Variants in UBE2E2 observed in about 807,000 individuals in gnomAD.
The protein encoded by UBE2E2 is ubiquitin conjugating enzyme E2 E2.
A neutral mutation model predicts 24.7 loss-of-function variants in UBE2E2; 6 were observed. The observed-to-expected ratio is 0.24, with a 90% CI of 0.13 to 0.48. UBE2E2 has a LOEUF of 0.48. Ranked by LOEUF, UBE2E2 falls within the 20% of genes least tolerant of loss-of-function variation. The probability of loss-of-function intolerance (pLI) is 0.99; values close to 1 mark genes in which losing one functional copy is unlikely to be tolerated. For synonymous variants in UBE2E2, 104 were observed against 83.6 expected (o/e 1.24, Z -1.33); for missense variants, 169 against 245.0 (o/e 0.69, Z 2.07).
chr3:23,354,762 C>G (rs961436528), intron 3 of UBE2E2, among the ~76,000 whole-genome samples: 2 of 152,166 alleles, frequency 1.3e-5, no homozygotes, highest in Non-Finnish European at 1.5e-5. Context: ...GAAACAGGAA[C>G]ACTTTTACAC....
chr3:23,356,431 G>A (rs1026785904), intron 3 of UBE2E2, among the ~76,000 whole-genome samples: 2 of 152,174 alleles, frequency 1.3e-5, no homozygotes, highest in South Asian at 4.1e-4. Context: ...GTGAGGTTAG[G>A]ACTAAGGCTT....
chr3:23,221,774 T>C (rs1296537114), intron 3 of UBE2E2, among the ~76,000 whole-genome samples: 2 of 152,152 alleles, frequency 1.3e-5, no homozygotes, highest in African/African-American at 4.8e-5. Flanking sequence ...GTAGCTGGAA[T>C]TACAGGCGTG....
intron 3 of UBE2E2, among the ~76,000 whole-genome samples, chr3:23,314,489 A>G (rs1453772661): frequency 6.6e-6 from 1 of 152,176 alleles, no homozygotes; most frequent in African/African-American, 2.4e-5. Flanking sequence ...ATGAGTAGTT[A>G]CATCACAATT....
chr3:23,352,267 C>A (rs1329143964), intron 3 of UBE2E2, among the ~76,000 whole-genome samples: 1 of 151,570 alleles, frequency 6.6e-6, no homozygotes, highest in African/African-American at 2.4e-5. Flanking sequence ...ACTAAATGCC[C>A]ACAAGAGAAA....
intron 5 of UBE2E2, among the ~76,000 whole-genome samples, chr3:23,560,639 C>T (rs1489692259): frequency 6.6e-6 from 1 of 152,024 alleles, no homozygotes; most frequent in African/African-American, 2.4e-5. Flanking sequence ...GAGGAATCGC[C>T]ACACTGACTT....
intron 3 of UBE2E2, among the ~76,000 whole-genome samples, chr3:23,413,064 G>A (rs1293473486): frequency 2.1e-5 from 3 of 143,112 alleles, no homozygotes; most frequent in Admixed American, 7.0e-5. Flanking sequence ...GGGGAGGGGG[G>A]AGGAATAGCA....
chr3:23,247,238 A>C (rs1697436358), intron 3 of UBE2E2, among the ~76,000 whole-genome samples: 1 of 152,146 alleles, frequency 6.6e-6, no homozygotes, highest in East Asian at 1.9e-4. Flanking sequence ...TAATACTCAA[A>C]TATTAATGTA....
intron 3 of UBE2E2, among the ~76,000 whole-genome samples, chr3:23,419,735 G>A (rs1697748378): frequency 6.6e-6 from 1 of 152,164 alleles, no homozygotes; most frequent in African/African-American, 2.4e-5. Context: ...CCTTCTGACA[G>A]ATATTAGGCA....
At chr3:23,321,070 A>G (rs915644137) in intron 3 of UBE2E2, among the ~76,000 whole-genome samples, 2 of 152,206 alleles carry the variant, frequency 1.3e-5, no homozygotes, top group Non-Finnish European at 2.9e-5. Context: ...CTTGGCTTGT[A>G]TCTGCATCAC....
chr3:23,544,868 G>T (rs62256026), intron 5 of UBE2E2, among the ~76,000 whole-genome samples: 5,009 of 91,536 alleles, frequency 0.055, no homozygotes, highest in African/African-American at 0.14. Flanking sequence ...TCCGAGAGGG[G>T]GATGTGTCAG....
chr3:23,490,224 A>G (rs1226129112), intron 3 of UBE2E2, among the ~76,000 whole-genome samples: 2 of 152,212 alleles, frequency 1.3e-5, no homozygotes, highest in Non-Finnish European at 1.5e-5. Flanking sequence ...ACCTATTTCT[A>G]ACAACCTATG....
chr3:23,249,704 G>T lies in UBE2E2; in HGVS notation c.227+32392G>T, dbSNP rs538443427. Among the ~76,000 whole-genome samples, 14 of 151,534 alleles carry T rather than the reference G, an allele frequency of 9.2e-5. No homozygotes were observed. In the East Asian group the frequency reaches 2.5e-3, roughly 27 times the overall value. The stretch of plus-strand genomic sequence containing the variant: ...GGAGTCTTGCTCTTTCGCGCAGACT[G>T]GAGTGCAGTGGCATGATCTCGGCTC... On this transcript the variant is annotated intron_variant, in intron 3 of 5. Coordinates refer to ENST00000396703, the MANE Select transcript of UBE2E2 (RefSeq NM_152653.4).
chr3:23,527,061 A>G (rs1695015362), intron 4 of UBE2E2, among the ~76,000 whole-genome samples: 1 of 152,226 alleles, frequency 6.6e-6, no homozygotes, highest in Non-Finnish European at 1.5e-5. Context: ...AAACAAATGA[A>G]AAAGTGTTCA....
At chr3:23,271,982 C>T (rs763401398) in intron 3 of UBE2E2, among the ~76,000 whole-genome samples, 21 of 152,218 alleles carry the variant, frequency 1.4e-4, no homozygotes, top group Non-Finnish European at 2.2e-4. Flanking sequence ...GTGGATCCCG[C>T]GCCAGGGCCG....
intron 3 of UBE2E2, among the ~76,000 whole-genome samples, chr3:23,427,923 A>G (rs974329480): frequency 5.3e-5 from 8 of 152,250 alleles, no homozygotes; most frequent in Non-Finnish European, 1.0e-4. Flanking sequence ...ATGTAGGACA[A>G]AAACTTACAG....
chr3:23,498,903 A>G (rs1699663081), intron 3 of UBE2E2, among the ~76,000 whole-genome samples: 2 of 152,196 alleles, frequency 1.3e-5, no homozygotes. Context: ...ACTCAGAGAC[A>G]TGTGTACTGC....
At chr3:23,203,126 G>T, upstream of UBE2E2, 1 of 983,290 alleles carries the variant, frequency 1.0e-6, no homozygotes, top group South Asian at 4.6e-5. Context: ...GCGCGCGGAC[G>T]GCCGGGCGGC....
chr3:23,443,898 A>T (rs1199784413), intron 3 of UBE2E2, among the ~76,000 whole-genome samples: 2 of 152,100 alleles, frequency 1.3e-5, no homozygotes, highest in African/African-American at 4.8e-5. Flanking sequence ...GTTATGTGCA[A>T]TCAGTAACTG....
intron 5 of UBE2E2, among the ~76,000 whole-genome samples, chr3:23,584,997 A>G (rs1696585372): frequency 6.6e-6 from 1 of 152,062 alleles, no homozygotes; most frequent in Non-Finnish European, 1.5e-5. Context: ...AGTAAGAAGA[A>G]GGTATGTTCC....
Sources: allele counts gnomAD v4.1 joint callset (sites outside exome capture counted in the v4.1 genomes callset), GRCh38; gene constraint gnomAD v4.1.1; transcripts MANE v1.5; gene names NCBI Gene and HGNC (gene_info 2026-07-23, HGNC 2026-07-21).